MC5R: variants seen among roughly 807,000 people sequenced by gnomAD.
MC5R encodes melanocortin 5 receptor.
For synonymous variants in MC5R, 167 were observed against 164.4 expected, an observed-to-expected ratio of 1.02 and a Z score of -0.12; for missense variants, 420 against 431.4, an observed-to-expected ratio of 0.97 and a Z score of 0.23.
chr18:13,826,087 G>A lies in MC5R; in HGVS notation c.322G>A (p.Asp108Asn). Residue 108 changes from aspartate to asparagine, a missense_variant, in exon 2 of 2, where the codon GAC becomes AAC. Asp to Asn is a conservative substitution (Grantham distance 23, BLOSUM62 1). Coordinates refer to ENST00000589410, the MANE Select transcript of MC5R (RefSeq NM_005913.3). ...CAACAACAAGCACCTAGTGATAGCA[G>A]ACGCCTTTGTGCGCCACATTGACAA... ...LLNNKHLVIA[D>N]AFVRHIDNVF... 1 of 1,614,152 alleles carries A rather than the reference G, an allele frequency of 6.2e-7. No individual in the cohort carries two copies. The highest frequency in any genetic ancestry group is 8.5e-7 in the Non-Finnish European group (1 of 1,180,042).
At position 13,826,314 on chromosome 18, in the gene MC5R, C is replaced by T. The variant is rs1172943588; in HGVS notation, c.549C>T (p.Ser183=). The change falls in exon 2 of 2, where the codon TCC becomes TCT. Residue 183 remains serine, a synonymous_variant. Coordinates refer to ENST00000589410, the MANE Select transcript of MC5R (RefSeq NM_005913.3). ...CGIVFILYSE[S]TYVILCLISM... is the part of the protein sequence containing the mutation. Reference sequence around the variant, plus strand: ...TTGTCTTCATCCTGTACTCAGAATCCACCTACGTCATCCTGTGCCTCATCT... The same window carrying T: ...TTGTCTTCATCCTGTACTCAGAATCTACCTACGTCATCCTGTGCCTCATCT... 6.2e-7 allele frequency: 1 copy of T among 1,614,054 alleles called. No homozygotes were observed. The highest frequency in any genetic ancestry group is 8.5e-7 in the Non-Finnish European group (1 of 1,180,034).
intron 1 of MC5R, among the ~76,000 whole-genome samples, chr18:13,824,728 T>G (rs59999658): frequency 0.15 from 23,344 of 152,050 alleles, 1,833 homozygotes; most frequent in East Asian, 0.21. Flanking sequence ...GATCTGAGTT[T>G]GGAGGGCAAA....
chr18:13,826,767 C>A lies in MC5R; in HGVS notation c.*24C>A. The stretch of plus-strand genomic sequence containing the variant: ...AAGCACAAAGTGCTCCTCTCTGTGG[C>A]TCTGTTCTCCTTTGTTTGCTCACCT... On this transcript the variant is annotated 3_prime_UTR_variant, in exon 2 of 2. Transcript: ENST00000589410. The A allele has an allele frequency of 6.4e-7, 1 of 1,572,674 alleles. No individual in the cohort carries two copies. Among genetic ancestry groups the A allele is most frequent in the Non-Finnish European group, 8.6e-7 (1 of 1,163,826 alleles).
chr18:13,825,584 G>T, intron 1 of MC5R, 143 bp from the exon 2 acceptor site: 2 of 446,482 alleles, frequency 4.5e-6, no homozygotes, highest in East Asian at 3.7e-5. Flanking sequence ...AAAAAAAAAG[G>T]ACTGAGTGAG....
intron 1 of MC5R, 130 bp from the exon 2 acceptor site, chr18:13,825,597 G>A (rs955857355): frequency 2.1e-6 from 1 of 485,286 alleles, no homozygotes; most frequent in Non-Finnish European, 3.6e-6. Flanking sequence ...TGAGTGAGCC[G>A]AGCCCAGTCC....
At position 13,826,318 on chromosome 18, in the gene MC5R, T is replaced by G; in HGVS notation, c.553T>G (p.Tyr185Asp). 6 of 1,614,208 alleles carry G rather than the reference T, an allele frequency of 3.7e-6. No individual in the cohort carries two copies. The highest frequency in any genetic ancestry group is 5.1e-6 in the Non-Finnish European group (6 of 1,180,038). Reference protein sequence around the residue: ...IVFILYSESTYVILCLISMFF... With the variant: ...IVFILYSESTDVILCLISMFF... Reference sequence around the variant, plus strand: ...CTTCATCCTGTACTCAGAATCCACCTACGTCATCCTGTGCCTCATCTCCAT... The same window carrying G: ...CTTCATCCTGTACTCAGAATCCACCGACGTCATCCTGTGCCTCATCTCCAT... The change falls in exon 2 of 2, where the codon TAC (tyrosine) becomes GAC (aspartate). Residue 185 changes from tyrosine (Y) to aspartate (D), a missense_variant. Coordinates refer to ENST00000589410, the MANE Select transcript of MC5R (RefSeq NM_005913.3).
intron 1 of MC5R, 125 bp downstream of exon 1, chr18:13,824,399 A>G (rs2044916193): frequency 6.6e-6 from 1 of 152,256 alleles, no homozygotes; most frequent in South Asian, 2.1e-4. Flanking sequence ...ACACAGCTCG[A>G]TATGATGTTT....
chr18:13,825,852 G>C lies in MC5R; in HGVS notation c.87G>C (p.Lys29Asn). 1 of 1,613,962 alleles carries C rather than the reference G, an allele frequency of 6.2e-7. No homozygotes were observed. Residue 29 changes from lysine (K) to asparagine (N), a missense_variant, in exon 2 of 2, where the codon AAG (lysine) becomes AAC (asparagine). Coordinates refer to ENST00000589410, the MANE Select transcript of MC5R (RefSeq NM_005913.3). Reference protein sequence around the residue: ...GNLSGPNVKNKSSPCEDMGIA... With the variant: ...GNLSGPNVKNNSSPCEDMGIA... ...TTTCAGGACCCAATGTCAAAAACAA[G>C]TCTTCACCATGTGAAGACATGGGCA...
chr18:13,826,904 G>A lies in MC5R; in HGVS notation c.*161G>A. The stretch of plus-strand genomic sequence containing the variant: ...TCTCTGTTCAGTTCCTGGTGATTAT[G>A]TCCAACATGCAAGGGTTGCTTATCC... On this transcript the variant is annotated 3_prime_UTR_variant, in exon 2 of 2. Coordinates refer to ENST00000589410, the MANE Select transcript of MC5R (RefSeq NM_005913.3). 5.8e-6 allele frequency: 4 copies of A among 694,196 alleles called. No homozygotes were observed. The highest frequency in any genetic ancestry group is 9.3e-6 in the Non-Finnish European group (4 of 428,246). 43.0% of individuals were successfully genotyped at this position (694,196 alleles called of 1,614,324 possible).
At chr18:13,825,234 G>A (rs2044920503) in intron 1 of MC5R, among the ~76,000 whole-genome samples, 1 of 152,172 alleles carries the variant, frequency 6.6e-6, no homozygotes, top group Admixed American at 6.6e-5. Flanking sequence ...ATGAGTTGGG[G>A]ACACTTATGA....
At chr18:13,825,657 G>A in intron 1 of MC5R, 70 bp from the exon 2 acceptor site, 1 of 931,526 alleles carries the variant, frequency 1.1e-6, no homozygotes, top group Non-Finnish European at 1.6e-6. Context: ...GTTGGTTCTA[G>A]GCTAGCTGCT....
At chr18:13,825,599 G>T (rs1352916226) in intron 1 of MC5R, 128 bp from the exon 2 acceptor site, 3 of 527,340 alleles carry the variant, frequency 5.7e-6, no homozygotes, top group Admixed American at 3.6e-5. Flanking sequence ...AGTGAGCCGA[G>T]CCCAGTCCTC....
Position 13,825,764 on chromosome 18 carries a change from C to G in MC5R, c.-2C>G, listed in dbSNP as rs1341750439. ...CAAGACAAGAGGTGTATTTCTCCAG[C>G]AATGAATTCCTCATTTCACCTGCAT... On this transcript the variant is annotated 5_prime_UTR_variant, in exon 2 of 2. Transcript: ENST00000589410. 1 of 1,558,704 alleles carries G rather than the reference C, an allele frequency of 6.4e-7. No homozygotes were observed. Among genetic ancestry groups the G allele is most frequent in the Non-Finnish European group, 8.6e-7 (1 of 1,156,390 alleles).
At chr18:13,824,807 G>GTTT (rs112161505) in intron 1 of MC5R, among the ~76,000 whole-genome samples, 7,912 of 149,230 alleles carry the variant, frequency 0.053, 235 homozygotes, top group East Asian at 0.16. Context: ...TTAAATTGCT[G>GTTT]TTTTTTTTTT....
In MC5R at chr18:13,827,110, C is replaced by T. The variant is rs182860301; in HGVS notation, c.*367C>T. ...ACACGTATTGTGACGCGAAGAAAACCGTGATATCGACGCCAGGTGGGATTG... is the reference window on the plus strand; with the variant it reads ...ACACGTATTGTGACGCGAAGAAAACTGTGATATCGACGCCAGGTGGGATTG... On this transcript the variant is annotated 3_prime_UTR_variant, in exon 2 of 2. Transcript: ENST00000589410. 7.5e-5 allele frequency: 14 copies of T among 187,846 alleles called. No individual in the cohort carries two copies. The East Asian group carries it at 1.6e-3, about 22-fold the overall frequency. 11.6% of individuals were successfully genotyped at this position (187,846 alleles called of 1,614,324 possible).
At position 13,825,821 on chromosome 18, in the gene MC5R, G is replaced by A. The variant is rs767196066; in HGVS notation, c.56G>A (p.Gly19Asp). ...FLDLNLNATEGNLSGPNVKNK... is the reference protein window; with the variant it reads ...FLDLNLNATEDNLSGPNVKNK... The stretch of plus-strand genomic sequence containing the variant: ...GATCTCAACCTGAATGCCACAGAGG[G>A]CAACCTTTCAGGACCCAATGTCAAA... The change falls in exon 2 of 2, where the codon GGC becomes GAC. Residue 19 changes from glycine to aspartate, a missense_variant. Physicochemically the swap from Gly to Asp is moderately conservative, Grantham distance 94 (BLOSUM62 -1). Transcript: ENST00000589410. 1 of 1,609,256 alleles carries A rather than the reference G, an allele frequency of 6.2e-7. No individual in the cohort carries two copies. Among genetic ancestry groups the A allele is most frequent in the South Asian group, 1.1e-5 (1 of 89,604 alleles).
At chr18:13,825,085 G>A (rs981280261) in intron 1 of MC5R, among the ~76,000 whole-genome samples, 16 of 152,194 alleles carry the variant, frequency 1.1e-4, no homozygotes, top group Admixed American at 7.2e-4. Context: ...GTCAGGACAA[G>A]TGTTAGGGAT....
Position 13,826,299 on chromosome 18 carries a change from C to T in MC5R, c.534C>T (p.Ile178=). 6.2e-7 allele frequency: 1 copy of T among 1,614,172 alleles called. No homozygotes were observed. The highest frequency in any genetic ancestry group is 8.5e-7 in the Non-Finnish European group (1 of 1,180,032). ...AFCTGCGIVF[I]LYSESTYVIL... ...GCACGGGCTGCGGCATTGTCTTCAT[C>T]CTGTACTCAGAATCCACCTACGTCA... The change falls in exon 2 of 2, where the codon ATC becomes ATT. Residue 178 remains isoleucine, a synonymous_variant. Coordinates refer to ENST00000589410, the MANE Select transcript of MC5R (RefSeq NM_005913.3).
rs576137745 is a variant in MC5R at position 13,825,724 on chromosome 18, C to T, written c.-39-3C>T. ...GATTGTGAATTTAAAACATGTTTTACAGTAAATTTGCTGCCAAGACAAGAG... is the reference window on the plus strand; with the variant it reads ...GATTGTGAATTTAAAACATGTTTTATAGTAAATTTGCTGCCAAGACAAGAG... On this transcript the variant is annotated splice_region_variant and splice_polypyrimidine_tract_variant and intron_variant, in intron 1 of 1. Coordinates refer to ENST00000589410, the MANE Select transcript of MC5R (RefSeq NM_005913.3). 2.0e-6 allele frequency: 3 copies of T among 1,514,418 alleles called. No homozygotes were observed. Among genetic ancestry groups the T allele is most frequent in the African/African-American group, 1.4e-5 (1 of 71,552 alleles). The allele number at this position is 1,514,418 out of a possible 1,614,324, so 93.8% of individuals were successfully genotyped here.
Sources: allele counts gnomAD v4.1 joint callset (sites outside exome capture counted in the v4.1 genomes callset), GRCh38; gene constraint gnomAD v4.1.1; transcripts MANE v1.5; gene names NCBI Gene and HGNC (gene_info 2026-07-23, HGNC 2026-07-21).